TNFRSF19: variants seen among roughly 807,000 people sequenced by gnomAD.
TNFRSF19 encodes tumor necrosis factor receptor superfamily member 19.
TNFRSF19 carries 27 observed loss-of-function variants against 46.4 expected under a neutral mutation model. That is an observed-to-expected ratio of 0.58 (90% CI 0.43 to 0.80). The LOEUF (loss-of-function observed/expected upper bound fraction) is 0.80, where lower values mean the gene tolerates loss of function less well. Among genes scored for constraint, TNFRSF19 ranks in the 30% least tolerant of loss-of-function variants. TNFRSF19 has a pLI of 0.00. For missense variants in TNFRSF19, 511 were observed against 530.8 expected (o/e 0.96, Z 0.37); for synonymous variants, 204 against 205.0 (o/e 1.00, Z 0.04).
In TNFRSF19 at chr13:23,590,245, G is replaced by C. The variant is rs1395962618; in HGVS notation, c.62G>C (p.Gly21Ala). The C allele has an allele frequency of 8.8e-6, 14 of 1,582,228 alleles. No homozygotes were observed. The highest frequency in any genetic ancestry group is 1.2e-5 in the Non-Finnish European group (14 of 1,163,264). The change falls in exon 2 of 10, where the codon GGC becomes GCC. Residue 21 changes from glycine to alanine, a missense_variant. By Grantham distance (60) the Gly-to-Ala change is moderately conservative (BLOSUM62 0). Transcript: ENST00000248484. ...TTTTTCACTCTTTTAGTATTACTAG[G>C]CTATTTGGTAAGTAAAGTCCTTTTT... ...KTFFTLLVLL[G>A]YLSCKVTCES...
At chr13:23,667,342 T>C (rs932495138) in intron 7 of TNFRSF19, among the ~76,000 whole-genome samples, 8 of 152,190 alleles carry the variant, frequency 5.3e-5, no homozygotes, top group South Asian at 2.1e-4. Context: ...TGTGCACATA[T>C]CTACTTATTC....
chr13:23,591,476 TA>T (rs75040144), intron 2 of TNFRSF19, among the ~76,000 whole-genome samples: 11 of 150,948 alleles, frequency 7.3e-5, no homozygotes, highest in Admixed American at 1.3e-4. Flanking sequence ...TAGATACAAA[TA>T]AAAAAAATAA....
intron 3 of TNFRSF19, among the ~76,000 whole-genome samples, chr13:23,600,848 A>G (rs1880106836): frequency 6.6e-6 from 1 of 152,198 alleles, no homozygotes; most frequent in Non-Finnish European, 1.5e-5. Flanking sequence ...GCCTGTTTAT[A>G]GCAGCTCCTT....
chr13:23,630,182 G>T (rs1282298954), intron 5 of TNFRSF19, among the ~76,000 whole-genome samples: 1 of 151,286 alleles, frequency 6.6e-6, no homozygotes, highest in East Asian at 1.9e-4. Flanking sequence ...GTGTGCCTTT[G>T]ATTCTAGCTA....
At chr13:23,605,419 C>G (rs1264769299) in intron 3 of TNFRSF19, among the ~76,000 whole-genome samples, 5 of 152,142 alleles carry the variant, frequency 3.3e-5, no homozygotes, top group Non-Finnish European at 7.4e-5. Context: ...TCTTACAAAA[C>G]TAAGCATACT....
intron 3 of TNFRSF19, among the ~76,000 whole-genome samples, chr13:23,609,760 C>G (rs1335869095): frequency 2.6e-5 from 4 of 152,112 alleles, no homozygotes; most frequent in African/African-American, 9.7e-5. Context: ...GTTTTTGTCT[C>G]TATGAGGAAA....
At chr13:23,669,490 A>G (rs1874773130) in intron 9 of TNFRSF19, 1 of 985,084 alleles carries the variant, frequency 1.0e-6, no homozygotes, top group East Asian at 1.1e-4. Flanking sequence ...ACTTAAATCT[A>G]CTTCATTCAC....
chr13:23,613,995 G>A (rs1456196962), intron 3 of TNFRSF19, among the ~76,000 whole-genome samples: 4 of 152,164 alleles, frequency 2.6e-5, no homozygotes, highest in Non-Finnish European at 5.9e-5. Flanking sequence ...AGACCACCCC[G>A]TAATTCTAAT....
At chr13:23,668,663 A>G in intron 8 of TNFRSF19, 29 bp from the exon 9 acceptor site, 1 of 1,579,478 alleles carries the variant, frequency 6.3e-7, no homozygotes, top group Non-Finnish European at 8.6e-7. Flanking sequence ...CCCATCAAAA[A>G]CTTTAAGTTC....
chr13:23,673,608 T>C lies in TNFRSF19; in HGVS notation c.*228T>C. On this transcript the variant is annotated 3_prime_UTR_variant, in exon 10 of 10. Coordinates refer to ENST00000248484, the MANE Select transcript of TNFRSF19 (RefSeq NM_148957.4). ...GAAAAGACTCCAGGCCGACTCATGA[T>C]ACTCTGCATCTTTCCTACATGAGAA... 8.3e-7 allele frequency: 1 copy of C among 1,202,744 alleles called. No individual in the cohort carries two copies. 74.5% of individuals were successfully genotyped at this position (1,202,744 alleles called of 1,614,324 possible). A position where few individuals can be genotyped will look rare whatever the true frequency, so the allele number is the denominator to read the frequency against.
intron 3 of TNFRSF19, among the ~76,000 whole-genome samples, chr13:23,610,454 C>T (rs1035450959): frequency 1.3e-5 from 2 of 152,194 alleles, no homozygotes; most frequent in Non-Finnish European, 1.5e-5. Flanking sequence ...CAGCCCTCTG[C>T]TCCCTTGGGA....
At chr13:23,602,412 T>A (rs894125472) in intron 3 of TNFRSF19, among the ~76,000 whole-genome samples, 2 of 152,132 alleles carry the variant, frequency 1.3e-5, no homozygotes, top group African/African-American at 4.8e-5. Context: ...ATAAATCCAC[T>A]ACTGTAGTTG....
intron 5 of TNFRSF19, among the ~76,000 whole-genome samples, chr13:23,651,861 T>TTTTA (rs1174041193): frequency 1.7e-5 from 2 of 116,308 alleles, no homozygotes; most frequent in Admixed American, 9.6e-5. Context: ...TTTTTTTTTT[T>TTTTA]ACTCTAAATG....
intron 5 of TNFRSF19, among the ~76,000 whole-genome samples, chr13:23,632,117 CA>C (rs1882395053): frequency 6.6e-6 from 1 of 152,152 alleles, no homozygotes; most frequent in South Asian, 2.1e-4. Context: ...GATGAGCCCA[CA>C]AAGCCAGTGC....
rs1884300962 is a variant in TNFRSF19, at chr13:23,660,577, A to G, written c.736+87A>G. ...GAATTGGTCCTGGTTTATTCACCTC[A>G]CAGCGAGGTGGCTGTGTTGAGTCTT... is the stretch of plus-strand genomic sequence containing the variant. On this transcript the variant is annotated intron_variant, in intron 7 of 9. Transcript: ENST00000248484. The G allele has an allele frequency of 4.2e-6, 6 of 1,436,150 alleles. No individual in the cohort carries two copies. In the South Asian group the frequency reaches 7.1e-5, roughly 17 times the overall value. 89.0% of individuals were successfully genotyped at this position (1,436,150 alleles called of 1,614,324 possible).
At chr13:23,637,713 G>A (rs1882774237) in intron 5 of TNFRSF19, among the ~76,000 whole-genome samples, 1 of 152,224 alleles carries the variant, frequency 6.6e-6, no homozygotes, top group Admixed American at 6.5e-5. Context: ...GTCATCATCT[G>A]AGAATAATTT....
chr13:23,595,213 T>C (rs916974038), intron 3 of TNFRSF19, among the ~76,000 whole-genome samples: 9 of 152,146 alleles, frequency 5.9e-5, no homozygotes, highest in Non-Finnish European at 1.3e-4. Flanking sequence ...CTCCAAAGGA[T>C]CACAACTCCT....
At chr13:23,663,763 T>G (rs1016607284) in intron 7 of TNFRSF19, among the ~76,000 whole-genome samples, 1 of 152,194 alleles carries the variant, frequency 6.6e-6, no homozygotes, top group African/African-American at 2.4e-5. Context: ...CAGAAATTTA[T>G]CTGTCTCTTC....
chr13:23,673,225 TTGAA>T (rs1951784356), intron 9 of TNFRSF19, 143 bp from the exon 10 acceptor site: 10 of 770,774 alleles, frequency 1.3e-5, no homozygotes, highest in Non-Finnish European at 1.8e-5. Flanking sequence ...TTGGATACTA[TTGAA>T]TGAGTTTCTT....
Sources: allele counts gnomAD v4.1 joint callset (sites outside exome capture counted in the v4.1 genomes callset), GRCh38; gene constraint gnomAD v4.1.1; transcripts MANE v1.5; gene names NCBI Gene and HGNC (gene_info 2026-07-23, HGNC 2026-07-21).